The following ANKRD12 variants were observed in gnomAD, a reference collection of about 807,000 sequenced individuals.
ANKRD12 encodes the protein ankyrin repeat domain 12.
Under a neutral mutation model 183.4 loss-of-function variants are expected in ANKRD12, and 85 were observed. That is an observed-to-expected ratio of 0.46 (90% CI 0.39 to 0.56). The LOEUF (loss-of-function observed/expected upper bound fraction) is 0.56, where lower values mean the gene tolerates loss of function less well. ANKRD12 is among the 20% of genes least tolerant of loss of function. ANKRD12 has a pLI of 0.00. For synonymous variants in ANKRD12, 914 were observed against 800.2 expected (o/e 1.14, Z -2.40); for missense variants, 2,405 against 2,357.1 (o/e 1.02, Z -0.42).
chr18:9,180,384 T>TC (rs1434340276), intron 1 of ANKRD12, among the ~76,000 whole-genome samples: 1 of 152,154 alleles, frequency 6.6e-6, no homozygotes, highest in Admixed American at 6.5e-5. Flanking sequence ...TTGGTTTTTT[T>TC]CCCACTTTCT....
intron 1 of ANKRD12, among the ~76,000 whole-genome samples, chr18:9,180,062 C>T (rs914274925): frequency 6.6e-6 from 1 of 152,088 alleles, no homozygotes; most frequent in Admixed American, 6.5e-5. Flanking sequence ...ATAGTTGAAG[C>T]CTCCAGCTGT....
At chr18:9,177,845 G>A (rs1441326319) in intron 1 of ANKRD12, among the ~76,000 whole-genome samples, 1 of 151,880 alleles carries the variant, frequency 6.6e-6, no homozygotes, top group East Asian at 1.9e-4. Flanking sequence ...TAATTTTCCT[G>A]GTGACTAATG....
intron 8 of ANKRD12, 52 bp downstream of exon 8, chr18:9,222,051 A>T (rs763867509): frequency 1.9e-6 from 3 of 1,591,100 alleles, no homozygotes; most frequent in Non-Finnish European, 2.6e-6. Flanking sequence ...GATATTTGAT[A>T]GAACATTCTG....
Position 9,206,759 on chromosome 18 carries a change from T to C in ANKRD12, c.305-1898T>C, listed in dbSNP as rs546932388. 7.9e-5 allele frequency among the ~76,000 whole-genome samples: 12 copies of C among 152,244 alleles called. No individual in the cohort carries two copies. In the East Asian group the frequency reaches 2.3e-3, roughly 29 times the overall value. The stretch of plus-strand genomic sequence containing the variant: ...ATTTGGCAGCATGGCATTCTAATGA[T>C]GCATATATAAGTATCTTTTTACTGT... On this transcript the variant is annotated intron_variant, in intron 4 of 12. Coordinates refer to ENST00000262126, the MANE Select transcript of ANKRD12 (RefSeq NM_015208.5).
chr18:9,157,607 T>A (rs1278047209), intron 1 of ANKRD12, among the ~76,000 whole-genome samples: 9 of 119,536 alleles, frequency 7.5e-5, no homozygotes, highest in South Asian at 2.4e-4. Flanking sequence ...ATATGTATTT[T>A]TTTTTTTTTT....
chr18:9,189,223 G>C (rs566980918), intron 2 of ANKRD12, among the ~76,000 whole-genome samples: 1 of 152,302 alleles, frequency 6.6e-6, no homozygotes, highest in East Asian at 1.9e-4. Context: ...TTAAACCAAA[G>C]TTCAATCCAG....
chr18:9,194,079 A>G, intron 2 of ANKRD12, among the ~76,000 whole-genome samples: 1 of 152,262 alleles, frequency 6.6e-6, no homozygotes. Context: ...GCCTGGATAG[A>G]TTATTCTTTG....
chr18:9,140,693 T>C (rs183029366), intron 1 of ANKRD12, among the ~76,000 whole-genome samples: 1 of 152,324 alleles, frequency 6.6e-6, no homozygotes, highest in African/African-American at 2.4e-5. Flanking sequence ...TATTCAGAAA[T>C]GTTAAAACAG....
chr18:9,137,585 C>T (rs1338543420), intron 1 of ANKRD12: 1 of 151,408 alleles, frequency 6.6e-6, no homozygotes, highest in Non-Finnish European at 1.5e-5. Context: ...CCGGGAGCGT[C>T]GGAGGTACCC....
intron 1 of ANKRD12, among the ~76,000 whole-genome samples, chr18:9,153,968 A>G (rs144082380): frequency 6.6e-6 from 1 of 152,170 alleles, no homozygotes; most frequent in African/African-American, 2.4e-5. Flanking sequence ...TCTGCATGTT[A>G]TCAGTCTTCT....
chr18:9,164,214 A>T (rs2031784683), intron 1 of ANKRD12, among the ~76,000 whole-genome samples: 1 of 152,084 alleles, frequency 6.6e-6, no homozygotes, highest in South Asian at 2.1e-4. Flanking sequence ...TAGTTTATTG[A>T]GAGTTTTTAA....
At position 9,162,542 on chromosome 18, in the gene ANKRD12, T is replaced by A. The variant is rs577589428; in HGVS notation, c.-51-19840T>A. Among the ~76,000 whole-genome samples, 50 of 152,328 alleles carry A rather than the reference T, an allele frequency of 3.3e-4. 1 individual carries two copies. In the South Asian group the frequency reaches 0.01, roughly 31 times the overall value. ...GCATGTATCTTTGTAATAGAATGAT[T>A]TATATTCCTTTGGGTATATACCTAG... On this transcript the variant is annotated intron_variant, in intron 1 of 12. Transcript: ENST00000262126.
At chr18:9,279,415 A>C (rs1359808150) in intron 11 of ANKRD12, 134 bp from the exon 12 acceptor site, 1 of 581,092 alleles carries the variant, frequency 1.7e-6, no homozygotes, top group East Asian at 3.3e-5. Flanking sequence ...CTTCAGCAGT[A>C]TTCAATTTAT....
At chr18:9,235,467 T>C (rs1490853348) in intron 8 of ANKRD12, among the ~76,000 whole-genome samples, 3 of 152,370 alleles carry the variant, frequency 2.0e-5, no homozygotes, top group East Asian at 3.9e-4. Context: ...AGTTAAAATA[T>C]TACTATTTTG....
Position 9,258,442 on chromosome 18 carries a change from T to C in ANKRD12, c.5175T>C (p.Asp1725=). 1 of 1,613,702 alleles carries C rather than the reference T, an allele frequency of 6.2e-7. No individual in the cohort carries two copies. Among genetic ancestry groups the C allele is most frequent in the Non-Finnish European group, 8.5e-7 (1 of 1,179,932 alleles). The part of the protein sequence containing the change: ...KVELEENAED[D]KTENQIPQRM... Reference sequence around the variant, plus strand: ...AATTAGAAGAAAATGCCGAAGATGATAAAACTGAAAACCAAATCCCTCAAA... The same window carrying C: ...AATTAGAAGAAAATGCCGAAGATGACAAAACTGAAAACCAAATCCCTCAAA... The change falls in exon 9 of 13, where the codon GAT becomes GAC. Residue 1725 remains aspartate, a synonymous_variant. Coordinates refer to ENST00000262126, the MANE Select transcript of ANKRD12 (RefSeq NM_015208.5).
Position 9,182,491 on chromosome 18 carries a change from A to C in ANKRD12, c.59A>C (p.Asn20Thr). Residue 20 changes from asparagine to threonine, a missense_variant, in exon 2 of 13, where the codon AAT (asparagine) becomes ACT (threonine). Transcript: ENST00000262126. ...AGTGAAAATTCTGACAGTGACAGCA[A>C]TATGGTAGAGAAACCATATGGAAGA... ...IQSENSDSDS[N>T]MVEKPYGRKS... 6.2e-7 allele frequency: 1 copy of C among 1,610,312 alleles called. No individual in the cohort carries two copies. The highest frequency in any genetic ancestry group is 8.5e-7 in the Non-Finnish European group (1 of 1,178,174).
chr18:9,188,244 G>C (rs1464468629), intron 2 of ANKRD12, among the ~76,000 whole-genome samples: 1 of 152,200 alleles, frequency 6.6e-6, no homozygotes, highest in Non-Finnish European at 1.5e-5. Context: ...ATATGCAGTG[G>C]GTTGTATTAC....
At chr18:9,247,738 C>A (rs1261345491) in intron 8 of ANKRD12, among the ~76,000 whole-genome samples, 2 of 151,894 alleles carry the variant, frequency 1.3e-5, no homozygotes, top group Non-Finnish European at 2.9e-5. Context: ...TAAATTTTCC[C>A]AGAGTCTGGA....
At chr18:9,241,524 G>GCAGCAAGCA (rs2037661240) in intron 8 of ANKRD12, among the ~76,000 whole-genome samples, 1 of 152,120 alleles carries the variant, frequency 6.6e-6, no homozygotes, top group Admixed American at 6.5e-5. Context: ...TTGTTGAATA[G>GCAGCAAGCA]CAGCAAGCAT....
Sources: allele counts gnomAD v4.1 joint callset (sites outside exome capture counted in the v4.1 genomes callset), GRCh38; gene constraint gnomAD v4.1.1; transcripts MANE v1.5; gene names NCBI Gene and HGNC (gene_info 2026-07-23, HGNC 2026-07-21).